ZDHHC11: variants seen among roughly 807,000 people sequenced by gnomAD.
ZDHHC11 encodes palmitoyltransferase ZDHHC11.
In ZDHHC11, 44 loss-of-function variants were observed where a neutral mutation model predicts 51.3. That is an observed-to-expected ratio of 0.86 (90% CI 0.67 to 1.10). The LOEUF (loss-of-function observed/expected upper bound fraction) is 1.10, where lower values mean the gene tolerates loss of function less well. Among genes scored for constraint, ZDHHC11 ranks in the 50% least tolerant of loss-of-function variants. ZDHHC11 has a pLI of 0.00. For synonymous variants in ZDHHC11, 163 were observed against 222.0 expected (o/e 0.73, Z 2.36); for missense variants, 400 against 537.7 (o/e 0.74, Z 2.53).
At chr5:806,534 G>A (rs868778744) in intron 11 of ZDHHC11, among the ~76,000 whole-genome samples, 3 of 151,086 alleles carry the variant, frequency 2.0e-5, no homozygotes, top group East Asian at 1.9e-4. Flanking sequence ...GTATAAACAT[G>A]ACTATATTGT....
chr5:805,198 G>A (rs761043618), intron 11 of ZDHHC11, among the ~76,000 whole-genome samples: 24 of 151,424 alleles, frequency 1.6e-4, no homozygotes, highest in Non-Finnish European at 3.0e-4. Context: ...TAGCCTTTGG[G>A]AGGCTAAAGT....
intron 11 of ZDHHC11, among the ~76,000 whole-genome samples, chr5:802,888 G>A (rs1358069738): frequency 8.0e-6 from 1 of 124,748 alleles, no homozygotes; most frequent in Non-Finnish European, 1.6e-5. Context: ...AAATGTGGTG[G>A]TTAGTGCCTG....
Position 829,958 on chromosome 5 carries a change from C to T in ZDHHC11, c.935+3815G>A, listed in dbSNP as rs1007928149. 2.4e-4 allele frequency among the ~76,000 whole-genome samples: 36 copies of T among 151,032 alleles called. 1 individual carries two copies. The highest frequency in any genetic ancestry group is 5.2e-4 in the Non-Finnish European group (35 of 67,658). ...GCCATCCCTTTATAAATAGAACACTCATCAAAATCAGCACAGAAGGGACAT... is the reference window on the plus strand; with the variant it reads ...GCCATCCCTTTATAAATAGAACACTTATCAAAATCAGCACAGAAGGGACAT... On this transcript the variant is annotated intron_variant, in intron 7 of 12. Transcript: ENST00000283441.
upstream of ZDHHC11, among the ~76,000 whole-genome samples, chr5:854,057 C>T (rs1488921500): frequency 1.0e-5 from 1 of 99,114 alleles, no homozygotes; most frequent in Non-Finnish European, 2.1e-5. Flanking sequence ...AGTGAGCAGC[C>T]GGGACAGACC....
rs373658210 is a variant in ZDHHC11 at position 801,104 on chromosome 5, A to C, written c.*3T>G. ...CCGCACTGCCACGTATCTTACCTGA[A>C]TCTCAGTCTTCACTTTCAGCACTGT... On this transcript the variant is annotated 3_prime_UTR_variant, in exon 12 of 13. Coordinates refer to ENST00000283441, the MANE Select transcript of ZDHHC11 (RefSeq NM_024786.3). The C allele has an allele frequency of 2.2e-5, 36 of 1,609,826 alleles. 1 individual carries two copies. In the African/African-American group the frequency reaches 4.7e-4, roughly 21 times the overall value.
At chr5:833,749 TA>T (rs1438205819) in intron 7 of ZDHHC11, 23 bp downstream of exon 7, 1 of 1,317,950 alleles carries the variant, frequency 7.6e-7, no homozygotes. Context: ...AGGACCAAGC[TA>T]CTGCAGGAAG....
intron 11 of ZDHHC11, among the ~76,000 whole-genome samples, chr5:807,253 TA>T (rs11385305): frequency 7.5e-5 from 11 of 146,770 alleles, no homozygotes; most frequent in South Asian, 2.2e-4. Flanking sequence ...CCCTTTCTGT[TA>T]AAAAAAAAAA....
intron 1 of ZDHHC11, among the ~76,000 whole-genome samples, chr5:857,371 G>C (rs1748403099): frequency 2.0e-5 from 3 of 152,118 alleles, no homozygotes; most frequent in African/African-American, 2.4e-5. Context: ...ATGAGAACCA[G>C]CCCCTGCCAC....
In ZDHHC11 at chr5:850,745, A is replaced by C; in HGVS notation, c.-143T>G. Reference sequence around the variant, plus strand: ...CAATGGCCCAGCACTGCCTGGGGCCACGTTCCCCGCAGAGGGAGCAGGGGC... The same window carrying C: ...CAATGGCCCAGCACTGCCTGGGGCCCCGTTCCCCGCAGAGGGAGCAGGGGC... On this transcript the variant is annotated 5_prime_UTR_variant, in exon 1 of 13. Transcript: ENST00000283441. 9.8e-7 allele frequency: 1 copy of C among 1,023,702 alleles called. No individual in the cohort carries two copies. The highest frequency in any genetic ancestry group is 1.4e-6 in the Non-Finnish European group (1 of 710,378). 63.4% of individuals were successfully genotyped at this position (1,023,702 alleles called of 1,614,324 possible).
intron 1 of ZDHHC11, 149 bp from the exon 2 acceptor site, chr5:848,809 G>A: frequency 8.1e-7 from 1 of 1,235,916 alleles, no homozygotes; most frequent in Non-Finnish European, 1.1e-6. Context: ...CCCAGGCCTG[G>A]CCCTGCTCAC....
chr5:814,272 G>C (rs1274387181), intron 11 of ZDHHC11, among the ~76,000 whole-genome samples: 2 of 150,984 alleles, frequency 1.3e-5, no homozygotes, highest in African/African-American at 4.9e-5. Flanking sequence ...GTACCCTTTA[G>C]AATGTGTGCT....
At chr5:838,676 C>T (rs1250899919) in intron 5 of ZDHHC11, among the ~76,000 whole-genome samples, 1 of 152,184 alleles carries the variant, frequency 6.6e-6, no homozygotes, top group Non-Finnish European at 1.5e-5. Context: ...ATGTTTCTGC[C>T]ACACTTGGTC....
chr5:806,908 C>A (rs6896771), intron 11 of ZDHHC11, among the ~76,000 whole-genome samples: 32,472 of 150,000 alleles, frequency 0.22, 4,978 homozygotes, highest in African/African-American at 0.45. Flanking sequence ...GAGAGTGTAA[C>A]ATGTGCAACA....
intron 11 of ZDHHC11, among the ~76,000 whole-genome samples, chr5:802,338 G>T (rs899624373): frequency 6.6e-6 from 1 of 151,180 alleles, no homozygotes; most frequent in African/African-American, 2.4e-5. Flanking sequence ...GAGAACTGGG[G>T]TATCACCAAA....
At chr5:822,780 G>C (rs1055038978) in intron 8 of ZDHHC11, among the ~76,000 whole-genome samples, 1 of 151,840 alleles carries the variant, frequency 6.6e-6, no homozygotes, top group Non-Finnish European at 1.5e-5. Context: ...AAAGCTCTGG[G>C]ATTTCAGGTG....
intron 11 of ZDHHC11, among the ~76,000 whole-genome samples, chr5:812,879 G>A (rs907394861): frequency 1.7e-4 from 26 of 150,362 alleles, no homozygotes; most frequent in African/African-American, 5.7e-4. Context: ...TATATGAAAC[G>A]TCATGAGTGT....
chr5:850,106 C>T (rs1304865297), intron 1 of ZDHHC11, among the ~76,000 whole-genome samples: 5 of 152,246 alleles, frequency 3.3e-5, no homozygotes, highest in Non-Finnish European at 7.3e-5. Context: ...GCCAGCAGGG[C>T]GGGTCCTGCG....
At position 796,511 on chromosome 5, in the gene ZDHHC11, T is replaced by C. The variant is rs1160945947; in HGVS notation, c.*77A>G. On this transcript the variant is annotated 3_prime_UTR_variant, in exon 13 of 13. Coordinates refer to ENST00000283441, the MANE Select transcript of ZDHHC11 (RefSeq NM_024786.3). ...GCAGGAGGCTTTGCAAGGTAGACTC[T>C]ACAGGCAGGACCTTGATGGAGGGTG... is the stretch of plus-strand genomic sequence containing the variant. 2 of 148,586 alleles carry C rather than the reference T, an allele frequency of 1.3e-5. No homozygotes were observed. The highest frequency in any genetic ancestry group is 2.5e-5 in the African/African-American group (1 of 40,262). The allele number at this position is 148,586 out of a possible 1,614,324, so 9.2% of individuals were successfully genotyped here. A position where few individuals can be genotyped will look rare whatever the true frequency, so the allele number is the denominator to read the frequency against.
At chr5:829,723 A>T (rs1742829253) in intron 7 of ZDHHC11, among the ~76,000 whole-genome samples, 1 of 151,622 alleles carries the variant, frequency 6.6e-6, no homozygotes, top group African/African-American at 2.4e-5. Flanking sequence ...TCATGAATAT[A>T]GATGCAAAAA....
Sources: allele counts gnomAD v4.1 joint callset (sites outside exome capture counted in the v4.1 genomes callset), GRCh38; gene constraint gnomAD v4.1.1; transcripts MANE v1.5; gene names NCBI Gene and HGNC (gene_info 2026-07-23, HGNC 2026-07-21).